The following CSN3 variants were observed in gnomAD, a reference collection of about 807,000 sequenced individuals.
CSN3 encodes kappa-casein.
CSN3 carries 7 observed loss-of-function variants against 9.9 expected under a neutral mutation model. The ratio of observed to expected loss-of-function variants is 0.71; its 90% CI spans 0.40 to 1.33. The LOEUF is 1.33. CSN3 is among the 40% of genes most tolerant of loss of function. The pLI, the probability that CSN3 is intolerant of heterozygous loss-of-function variation, is 0.01. For synonymous variants in CSN3, 88 were observed against 82.3 expected (o/e 1.07, Z -0.37); for missense variants, 253 against 227.9 (o/e 1.11, Z -0.71).
intron 2 of CSN3, among the ~76,000 whole-genome samples, chr4:70,245,891 C>T (rs4694274): frequency 0.23 from 34,275 of 151,978 alleles, 4,124 homozygotes; most frequent in Non-Finnish European, 0.26. Flanking sequence ...GTCACCTGAA[C>T]ATTTGGAACT....
chr4:70,244,786 TA>T, intron 1 of CSN3, 25 bp from the exon 2 acceptor site: 3 of 1,381,330 alleles, frequency 2.2e-6, no homozygotes, highest in Non-Finnish European at 2.9e-6. Flanking sequence ...TCTTTTAAAT[TA>T]ATTTTTTTTT....
intron 4 of CSN3, 122 bp from the exon 5 acceptor site, chr4:70,251,140 T>C (rs1021421947): frequency 6.6e-6 from 1 of 152,222 alleles, no homozygotes; most frequent in African/African-American, 2.4e-5. Flanking sequence ...TTTAAATATG[T>C]AATCTGATTG....
intron 1 of CSN3, among the ~76,000 whole-genome samples, chr4:70,244,543 C>T (rs1730336196): frequency 6.6e-6 from 1 of 151,962 alleles, no homozygotes; most frequent in East Asian, 1.9e-4. Flanking sequence ...TTGGCAAGGC[C>T]TGTATCATAT....
At chr4:70,249,347 C>T (rs1323024296) in exon 4 of CSN3, 10 of 1,614,102 alleles carry the variant, frequency 6.2e-6, no homozygotes, top group Non-Finnish European at 8.5e-6. Context: ...ACACCAGCTC[C>T]TGCCACTGAA....
rs1365357757 is a variant in CSN3 at position 70,247,684 on chromosome 4, C to G, written c.55-134C>G. On this transcript the variant is annotated intron_variant, in intron 2 of 4. Transcript: ENST00000304954. ...TAGTCCATAGGCCTCATAGATCACT[C>G]ATGAAAAATGTTTTAAAAAATAAAA... 4.1e-6 allele frequency: 3 copies of G among 725,978 alleles called. No homozygotes were observed. In the South Asian group the frequency reaches 5.7e-5, roughly 14 times the overall value. 45.0% of individuals were successfully genotyped at this position (725,978 alleles called of 1,614,324 possible).
exon 3 of CSN3, chr4:70,247,828 T>C (rs1192602165): frequency 1.9e-6 from 3 of 1,596,492 alleles, no homozygotes; most frequent in East Asian, 2.3e-5. Flanking sequence ...GCTGTGGAGG[T>C]TCAAAACCAG....
chr4:70,249,054 G>T lies in CSN3; in HGVS notation c.144G>T (p.Met48Ile), dbSNP rs771485308. 23 of 1,613,462 alleles carry T rather than the reference G, an allele frequency of 1.4e-5. No individual in the cohort carries two copies. The South Asian group carries it at 2.4e-4, about 17-fold the overall frequency. The change falls in exon 4 of 5, where the codon ATG becomes ATT. Residue 48 changes from methionine to isoleucine, a missense_variant. By Grantham distance (10) the Met-to-Ile change is conservative. Transcript: ENST00000304954. The stretch of plus-strand genomic sequence containing the variant: ...AGAAAACAGCTCCATATGTCCCAAT[G>T]TATTATGTGCCAAATAGCTATCCTT...
At chr4:70,246,671 C>CTTTTTTT (rs11293109) in intron 2 of CSN3, among the ~76,000 whole-genome samples, 3 of 125,472 alleles carry the variant, frequency 2.4e-5, no homozygotes, top group Non-Finnish European at 4.9e-5. Flanking sequence ...CATATTACTT[C>CTTTTTTT]TTTTTTTTTT....
Position 70,243,277 on chromosome 4 carries a change from A to G in CSN3, c.-9+612A>G, listed in dbSNP as rs1730307807. Reference sequence around the variant, plus strand: ...GAATATTTTCTTTTGTTTACATATCATTTTACTGTGTGAACTGATAAGGGG... The same window carrying G: ...GAATATTTTCTTTTGTTTACATATCGTTTTACTGTGTGAACTGATAAGGGG... On this transcript the variant is annotated intron_variant, in intron 1 of 4. Coordinates refer to ENST00000304954, the Ensembl canonical transcript of CSN3. 1.4e-5 allele frequency: 6 copies of G among 443,288 alleles called. No homozygotes were observed. In the Admixed American group the frequency reaches 1.9e-4, roughly 14 times the overall value. 27.5% of individuals were successfully genotyped at this position (443,288 alleles called of 1,614,324 possible).
intron 2 of CSN3, 120 bp from the exon 3 acceptor site, chr4:70,247,698 T>C: frequency 1.1e-6 from 1 of 875,426 alleles, no homozygotes; most frequent in Non-Finnish European, 1.7e-6. Flanking sequence ...AAAAATGTTT[T>C]AAAAAATAAA....
intron 2 of CSN3, among the ~76,000 whole-genome samples, chr4:70,245,222 A>G (rs1326916622): frequency 6.6e-6 from 1 of 152,156 alleles, no homozygotes; most frequent in East Asian, 1.9e-4. Flanking sequence ...ATAAATACAG[A>G]AATCATAGTC....
upstream of CSN3, among the ~76,000 whole-genome samples, chr4:70,240,145 T>C (rs1730243143): frequency 6.6e-6 from 1 of 151,892 alleles, no homozygotes; most frequent in African/African-American, 2.4e-5. Flanking sequence ...ATGAAGTACA[T>C]TTCAAAAGTA....
intron 1 of CSN3, chr4:70,243,285 G>C: frequency 3.0e-6 from 1 of 332,980 alleles, no homozygotes; most frequent in Non-Finnish European, 4.3e-6. Context: ...TCATTTTACT[G>C]TGTGAACTGA....
exon 4 of CSN3, chr4:70,249,371 G>C: frequency 6.2e-7 from 1 of 1,614,088 alleles, no homozygotes. Flanking sequence ...ACGGTGGACA[G>C]TGTAGTCACT....
upstream of CSN3, among the ~76,000 whole-genome samples, chr4:70,239,194 T>A (rs946114149): frequency 4.6e-5 from 7 of 151,420 alleles, no homozygotes; most frequent in African/African-American, 1.7e-4. Context: ...AAATGGAAAT[T>A]AAGAGCAGCT....
rs557508160 is a variant in CSN3, at chr4:70,247,860, T to C, written c.87+10T>C. On this transcript the variant is annotated intron_variant, in intron 3 of 4. Transcript: ENST00000304954. The stretch of plus-strand genomic sequence containing the variant: ...CCAGAAACAACCAGCAGTAAGTCTA[T>C]TTTAATTACTTCTGTTACAGGCATG... The C allele has an allele frequency of 7.0e-5, 112 of 1,592,736 alleles. 2 individuals are homozygous for C. In the South Asian group the frequency reaches 1.2e-3, roughly 17 times the overall value.
chr4:70,241,278 T>G (rs1415467260), upstream of CSN3, among the ~76,000 whole-genome samples: 1 of 152,014 alleles, frequency 6.6e-6, no homozygotes, highest in Non-Finnish European at 1.5e-5. Flanking sequence ...CATTTTAAAT[T>G]CTGTCATCTC....
upstream of CSN3, among the ~76,000 whole-genome samples, chr4:70,241,011 C>T (rs1335186308): frequency 2.6e-5 from 4 of 151,902 alleles, no homozygotes; most frequent in African/African-American, 9.7e-5. Flanking sequence ...CCTGTGAAAA[C>T]AATGTCTTCA....
At chr4:70,249,446 C>T (rs1333808115) in exon 4 of CSN3, 3 of 1,611,568 alleles carry the variant, frequency 1.9e-6, no homozygotes, top group South Asian at 1.1e-5. Flanking sequence ...GCAGTTACTC[C>T]ACCTACGGCA....
Sources: gnomAD v4.1 joint callset for allele counts (sites outside exome capture counted in the v4.1 genomes callset) on GRCh38, gnomAD v4.1.1 for gene constraint, MANE v1.5 for transcripts, NCBI Gene and HGNC (gene_info 2026-07-23, HGNC 2026-07-21) for gene names.